The following NCKAP1 variants were observed in gnomAD, a reference collection of about 807,000 sequenced individuals.
The protein encoded by NCKAP1 is nck-associated protein 1.
Under a neutral mutation model 151.2 loss-of-function variants are expected in NCKAP1, and 21 were observed. That is an observed-to-expected ratio of 0.14 (90% CI 0.10 to 0.20). The LOEUF is 0.20. Among genes scored for constraint, NCKAP1 ranks in the 10% least tolerant of loss-of-function variants. The pLI, the probability that NCKAP1 is intolerant of heterozygous loss-of-function variation, is 1.00. For synonymous variants in NCKAP1, 484 were observed against 451.8 expected (o/e 1.07, Z -0.90); for missense variants, 933 against 1,352.1 (o/e 0.69, Z 4.86).
intron 15 of NCKAP1, among the ~76,000 whole-genome samples, chr2:182,968,125 A>G (rs987754898): frequency 2.0e-5 from 3 of 152,222 alleles, no homozygotes; most frequent in Non-Finnish European, 4.4e-5. Context: ...ATACCACGTT[A>G]AAGAATTTAA....
chr2:183,023,340 T>A (rs1328971082), intron 2 of NCKAP1, among the ~76,000 whole-genome samples: 2 of 152,162 alleles, frequency 1.3e-5, no homozygotes, highest in Non-Finnish European at 2.9e-5. Flanking sequence ...CATTTACTTG[T>A]ACTATTTAAT....
At chr2:182,998,816 G>A (rs1698322137) in intron 6 of NCKAP1, among the ~76,000 whole-genome samples, 2 of 118,526 alleles carry the variant, frequency 1.7e-5, no homozygotes, top group Non-Finnish European at 1.6e-5. Context: ...CAGCCTGGGT[G>A]ACAGAGTAAG....
At chr2:182,970,205 C>T (rs1216276246) in intron 15 of NCKAP1, among the ~76,000 whole-genome samples, 2 of 152,192 alleles carry the variant, frequency 1.3e-5, no homozygotes, top group African/African-American at 4.8e-5. Flanking sequence ...ACCAATTCTA[C>T]TCAAACTGTT....
intron 8 of NCKAP1, among the ~76,000 whole-genome samples, chr2:182,992,313 A>G (rs1406122071): frequency 6.6e-6 from 1 of 152,212 alleles, no homozygotes; most frequent in African/African-American, 2.4e-5. Flanking sequence ...AGCAAAATTC[A>G]TTCCTTATTT....
intron 1 of NCKAP1, among the ~76,000 whole-genome samples, chr2:183,026,487 TAAAA>T (rs58384257): frequency 3.2e-5 from 3 of 92,944 alleles, no homozygotes; most frequent in Non-Finnish European, 7.1e-5. Flanking sequence ...AACTAAAAAC[TAAAA>T]AAAAAAAAAA....
At chr2:182,938,824 T>C (rs1323160643) in intron 24 of NCKAP1, among the ~76,000 whole-genome samples, 1 of 152,018 alleles carries the variant, frequency 6.6e-6, no homozygotes, top group Non-Finnish European at 1.5e-5. Flanking sequence ...AAGCCAGGAA[T>C]AGGTGATCAG....
intron 2 of NCKAP1, among the ~76,000 whole-genome samples, chr2:183,023,129 TTC>T (rs1698826991): frequency 6.6e-6 from 1 of 152,144 alleles, no homozygotes; most frequent in South Asian, 2.1e-4. Flanking sequence ...GGCAGAAAGA[TTC>T]TGAGTCAAAA....
At position 182,919,072 on chromosome 2, in the gene NCKAP1, G is replaced by A. The variant is rs981448570; in HGVS notation, c.*6630C>T. On this transcript the variant is annotated 3_prime_UTR_variant, in exon 31 of 31. Transcript: ENST00000361354. Reference sequence around the variant, plus strand: ...TATAGGATTACTGTGAAGACTAAAAGAGCAATATTTAGAGGTTTGAATTAG... The same window carrying A: ...TATAGGATTACTGTGAAGACTAAAAAAGCAATATTTAGAGGTTTGAATTAG... The A allele has an allele frequency of 6.6e-6, 1 of 152,188 alleles. No individual in the cohort carries two copies. The highest frequency in any genetic ancestry group is 2.4e-5 in the African/African-American group (1 of 41,452). 9.4% of individuals were successfully genotyped at this position (152,188 alleles called of 1,614,324 possible). A position where few individuals can be genotyped will look rare whatever the true frequency, so the allele number is the denominator to read the frequency against.
chr2:182,994,360 G>A (rs768487179), intron 8 of NCKAP1, among the ~76,000 whole-genome samples: 1 of 152,026 alleles, frequency 6.6e-6, no homozygotes, highest in Non-Finnish European at 1.5e-5. Context: ...CTACCTGGCC[G>A]GGTGCAGTGG....
At chr2:182,998,704 C>T (rs1698319424) in intron 6 of NCKAP1, among the ~76,000 whole-genome samples, 1 of 151,786 alleles carries the variant, frequency 6.6e-6, no homozygotes, top group African/African-American at 2.4e-5. Context: ...GTGACAGGCA[C>T]CTGTAATCCC....
At chr2:183,033,653 T>G (rs576374387) in intron 1 of NCKAP1, among the ~76,000 whole-genome samples, 1 of 152,242 alleles carries the variant, frequency 6.6e-6, no homozygotes, top group Admixed American at 6.5e-5. Context: ...ACTGAAAGAA[T>G]AGCTCATATG....
At chr2:183,005,969 C>A (rs1232494501) in intron 2 of NCKAP1, among the ~76,000 whole-genome samples, 1 of 152,162 alleles carries the variant, frequency 6.6e-6, no homozygotes, top group African/African-American at 2.4e-5. Context: ...CTCCTCTAAA[C>A]ATGTATAATG....
intron 1 of NCKAP1, 141 bp from the exon 2 acceptor site, chr2:183,024,057 T>C (rs1417594698): frequency 1.6e-6 from 1 of 633,320 alleles, no homozygotes; most frequent in Non-Finnish European, 2.8e-6. Flanking sequence ...AGTGCAGGGA[T>C]TGTCACAGCT....
intron 2 of NCKAP1, among the ~76,000 whole-genome samples, chr2:183,009,475 G>GAAGGAAGGAAGGAAGGAAGGAAGC (rs1485338665): frequency 9.0e-5 from 9 of 100,286 alleles, no homozygotes; most frequent in South Asian, 4.0e-4. Flanking sequence ...AGGAAGGAAG[G>GAAGGAAGGAAGGAAGGAAGGAAGC]AAGCAAGCAA....
At chr2:183,019,909 T>C (rs1488624272) in intron 2 of NCKAP1, among the ~76,000 whole-genome samples, 1 of 151,994 alleles carries the variant, frequency 6.6e-6, no homozygotes, top group Non-Finnish European at 1.5e-5. Context: ...TAAAAATGAC[T>C]CAACAGAGTC....
chr2:182,971,598 C>A (rs563068748), intron 15 of NCKAP1, among the ~76,000 whole-genome samples: 1 of 151,286 alleles, frequency 6.6e-6, no homozygotes, highest in African/African-American at 2.4e-5. Flanking sequence ...AGAGCCAAAT[C>A]AATCCTGAAA....
chr2:182,970,310 A>C (rs1697660708), intron 15 of NCKAP1, among the ~76,000 whole-genome samples: 1 of 152,188 alleles, frequency 6.6e-6, no homozygotes, highest in Non-Finnish European at 1.5e-5. Context: ...ACAAAACTAC[A>C]CGAAAAGAAA....
chr2:182,993,912 C>T lies in NCKAP1; in HGVS notation c.790+927G>A, dbSNP rs184501001. 1.3e-3 allele frequency among the ~76,000 whole-genome samples: 191 copies of T among 152,274 alleles called. 2 individuals are homozygous for T. The highest frequency in any genetic ancestry group is 4.5e-3 in the African/African-American group (185 of 41,564). ...TAAACAAACAGCTTAAAAGCAAATA[C>T]AACAAGCTATTAGAAGTCATAGAAA... is the stretch of plus-strand genomic sequence containing the variant. On this transcript the variant is annotated intron_variant, in intron 8 of 30. Coordinates refer to ENST00000361354, the MANE Select transcript of NCKAP1 (RefSeq NM_013436.5).
At chr2:182,927,206 T>C in intron 29 of NCKAP1, 1 of 253,648 alleles carries the variant, frequency 3.9e-6, no homozygotes, top group Non-Finnish European at 7.4e-6. Context: ...TCTTATCCCA[T>C]CCCATTATCT....
Sources: gnomAD v4.1 joint callset for allele counts (sites outside exome capture counted in the v4.1 genomes callset) on GRCh38, gnomAD v4.1.1 for gene constraint, MANE v1.5 for transcripts, NCBI Gene and HGNC (gene_info 2026-07-23, HGNC 2026-07-21) for gene names.